Variants in ELMO1 observed in about 807,000 individuals in gnomAD.
ELMO1 encodes the protein engulfment and cell motility protein 1.
A neutral mutation model predicts 98.9 loss-of-function variants in ELMO1; 26 were observed. The ratio of observed to expected loss-of-function variants is 0.26; its 90% confidence interval spans 0.19 to 0.36. The LOEUF (loss-of-function observed/expected upper bound fraction) is 0.36, where lower values mean the gene tolerates loss of function less well. Ranked by LOEUF, ELMO1 falls within the 10% of genes least tolerant of loss-of-function variation. The probability of loss-of-function intolerance (pLI) is 1.00; values close to 1 mark genes in which losing one functional copy is unlikely to be tolerated. For missense variants in ELMO1, 627 were observed against 935.2 expected (o/e 0.67, Z 4.30); for synonymous variants, 346 against 346.0 (o/e 1.00, Z 0.00).
chr7:37,116,054 A>G (rs1785566240), intron 14 of ELMO1, among the ~76,000 whole-genome samples: 1 of 152,210 alleles, frequency 6.6e-6, no homozygotes, highest in East Asian at 1.9e-4. Context: ...CTAAAACACA[A>G]TGTCTATTAA....
intron 16 of ELMO1, chr7:36,984,770 G>T: frequency 2.5e-6 from 1 of 407,686 alleles, no homozygotes; most frequent in Non-Finnish European, 3.3e-6. Context: ...ACACTTTCAG[G>T]CACATAAGAC....
At chr7:37,372,171 T>C (rs192307997) in intron 1 of ELMO1, among the ~76,000 whole-genome samples, 72 of 152,130 alleles carry the variant, frequency 4.7e-4, no homozygotes, top group African/African-American at 1.6e-3. Flanking sequence ...CTCTAATTTA[T>C]TATAAAGAAT....
At chr7:37,101,928 T>C (rs1225418566) in intron 14 of ELMO1, among the ~76,000 whole-genome samples, 2 of 152,204 alleles carry the variant, frequency 1.3e-5, no homozygotes, top group African/African-American at 2.4e-5. Context: ...CCAGCCACCA[T>C]AGGGCAATTG....
intron 1 of ELMO1, among the ~76,000 whole-genome samples, chr7:37,448,357 G>A (rs1241356764): frequency 6.7e-6 from 1 of 149,952 alleles, no homozygotes; most frequent in Non-Finnish European, 1.5e-5. Context: ...CCGGGCCCCG[G>A]GCCCTGCGCT....
Position 37,154,908 on chromosome 7 carries a change from A to G in ELMO1, c.1087-21674T>C, listed in dbSNP as rs745707087. Among the ~76,000 whole-genome samples, 65 of 152,230 alleles carry G rather than the reference A, an allele frequency of 4.3e-4. 1 individual carries two copies. Among genetic ancestry groups the G allele is most frequent in the Admixed American group, 6.5e-5 (1 of 15,282 alleles). On this transcript the variant is annotated intron_variant, in intron 13 of 21. Coordinates refer to ENST00000310758, the MANE Select transcript of ELMO1 (RefSeq NM_014800.11). Reference sequence around the variant, plus strand: ...GAAGGAAAAAATGTTAAGGGCAGCCAGAGAGAAAGGTCAAGTTACCCACAA... The same window carrying G: ...GAAGGAAAAAATGTTAAGGGCAGCCGGAGAGAAAGGTCAAGTTACCCACAA...
intron 15 of ELMO1, among the ~76,000 whole-genome samples, chr7:37,056,417 A>C (rs1013688535): frequency 6.6e-6 from 1 of 152,224 alleles, no homozygotes; most frequent in Non-Finnish European, 1.5e-5. Context: ...CAGAGCTCCC[A>C]GGAACAAGCT....
intron 16 of ELMO1, among the ~76,000 whole-genome samples, chr7:36,924,650 A>T (rs1785392057): frequency 1.3e-5 from 2 of 152,216 alleles, no homozygotes; most frequent in South Asian, 4.1e-4. Context: ...ATATTTCATG[A>T]CAAGTACAGT....
chr7:37,255,413 T>A (rs1338960687), intron 6 of ELMO1, among the ~76,000 whole-genome samples: 1 of 152,076 alleles, frequency 6.6e-6, no homozygotes, highest in East Asian at 1.9e-4. Context: ...TGAGGAAAAA[T>A]AAAGTTTCTG....
rs149031573 is a variant in ELMO1, at chr7:36,888,132, T to C, written c.1602-460A>G. ...TTACTATTCCACAGCAAACACTGTG[T>C]AGTGAGCAAACCACAGGACCACTTT... is the stretch of plus-strand genomic sequence containing the variant. On this transcript the variant is annotated intron_variant, in intron 17 of 21. Transcript: ENST00000310758. 4.6e-5 allele frequency among the ~76,000 whole-genome samples: 7 copies of C among 152,294 alleles called. No homozygotes were observed. In the East Asian group the frequency reaches 1.3e-3, roughly 29 times the overall value.
At chr7:37,067,095 G>T (rs1797022830) in intron 15 of ELMO1, among the ~76,000 whole-genome samples, 1 of 152,136 alleles carries the variant, frequency 6.6e-6, no homozygotes, top group Non-Finnish European at 1.5e-5. Flanking sequence ...ATTTAAAGAA[G>T]ATCTCATAAA....
intron 16 of ELMO1, among the ~76,000 whole-genome samples, chr7:36,981,820 A>T (rs1299181831): frequency 1.3e-5 from 2 of 152,220 alleles, no homozygotes; most frequent in Non-Finnish European, 2.9e-5. Context: ...ACCATGAGCA[A>T]CGGTGAAAGT....
intron 21 of ELMO1, among the ~76,000 whole-genome samples, chr7:36,861,354 A>C (rs1802611373): frequency 6.6e-6 from 1 of 152,184 alleles, no homozygotes; most frequent in South Asian, 2.1e-4. Context: ...CGAAAAATTC[A>C]ATGAAAACCA....
chr7:36,891,755 C>T (rs977846984), intron 17 of ELMO1, among the ~76,000 whole-genome samples: 3 of 152,162 alleles, frequency 2.0e-5, no homozygotes, highest in Admixed American at 6.5e-5. Context: ...AGGCTTAGAA[C>T]GGATTACATA....
intron 13 of ELMO1, among the ~76,000 whole-genome samples, chr7:37,138,761 G>A (rs1787430454): frequency 6.6e-6 from 1 of 152,000 alleles, no homozygotes; most frequent in Admixed American, 6.6e-5. Context: ...ACCAGGGAAG[G>A]ACATCATAAA....
chr7:37,059,737 T>C (rs1368816118), intron 15 of ELMO1, among the ~76,000 whole-genome samples: 2 of 152,214 alleles, frequency 1.3e-5, no homozygotes, highest in Non-Finnish European at 2.9e-5. Flanking sequence ...CTCTCTCAAA[T>C]GTTCCCACCA....
intron 1 of ELMO1, among the ~76,000 whole-genome samples, chr7:37,372,091 AG>A (rs1165165593): frequency 6.6e-6 from 1 of 152,176 alleles, no homozygotes; most frequent in African/African-American, 2.4e-5. Context: ...GACCTTTTGC[AG>A]TGAGTATGTG....
At chr7:36,931,595 G>A (rs1253616895) in intron 16 of ELMO1, among the ~76,000 whole-genome samples, 5 of 152,086 alleles carry the variant, frequency 3.3e-5, no homozygotes, top group South Asian at 2.1e-4. Context: ...GCGAGACTCC[G>A]TCTCAAAAAA....
At chr7:37,030,672 A>G (rs1794831386) in intron 15 of ELMO1, among the ~76,000 whole-genome samples, 1 of 152,166 alleles carries the variant, frequency 6.6e-6, no homozygotes, top group Non-Finnish European at 1.5e-5. Context: ...TACCTGGATA[A>G]TTGTTCTTCT....
intron 14 of ELMO1, among the ~76,000 whole-genome samples, chr7:37,114,513 T>C (rs1476123382): frequency 6.6e-6 from 1 of 152,162 alleles, no homozygotes; most frequent in African/African-American, 2.4e-5. Context: ...GGTTGCCTTA[T>C]CAAGGCAACC....
Sources: allele counts gnomAD v4.1 joint callset (sites outside exome capture counted in the v4.1 genomes callset), GRCh38; gene constraint gnomAD v4.1.1; transcripts MANE v1.5; gene names NCBI Gene and HGNC (gene_info 2026-07-23, HGNC 2026-07-21).